The following LPCAT3 variants were observed in gnomAD, a reference collection of about 807,000 sequenced individuals.
LPCAT3 encodes the protein lysophospholipid acyltransferase 5.
Under a neutral mutation model 63.4 loss-of-function variants are expected in LPCAT3, and 21 were observed. The observed-to-expected ratio is 0.33, with a 90% CI of 0.23 to 0.48. The LOEUF (loss-of-function observed/expected upper bound fraction) is 0.48, where lower values mean the gene tolerates loss of function less well. LPCAT3 is among the 20% of genes least tolerant of loss of function. LPCAT3 has a pLI of 0.99. For synonymous variants in LPCAT3, 242 were observed against 227.5 expected, an observed-to-expected ratio of 1.06 and a Z score of -0.58; for missense variants, 451 against 590.6, an observed-to-expected ratio of 0.76 and a Z score of 2.45.
At position 6,981,168 on chromosome 12, in the gene LPCAT3, A is replaced by G; in HGVS notation, c.513T>C (p.Ser171=). 6.2e-7 allele frequency: 1 copy of G among 1,609,308 alleles called. No individual in the cohort carries two copies. Residue 171 remains serine (S), a synonymous_variant, in exon 6 of 13, where the codon TCT becomes TCC. Coordinates refer to ENST00000261407, the MANE Select transcript of LPCAT3 (RefSeq NM_005768.6). Reference sequence around the variant, plus strand: ...CACGTATGGCATATTTCTGTTGCTCAGAGGACAAGGAATTCTATGCCAAGA... The same window carrying G: ...CACGTATGGCATATTTCTGTTGCTCGGAGGACAAGGAATTCTATGCCAAGA... ...DGGKDQNSLS[S]EQQKYAIRGV... is the part of the protein sequence containing the mutation.
chr12:6,989,218 G>A (rs782256494), intron 1 of LPCAT3, among the ~76,000 whole-genome samples: 66 of 151,970 alleles, frequency 4.3e-4, no homozygotes, highest in African/African-American at 1.5e-3. Flanking sequence ...ATTAGCAGGC[G>A]AAGGATGATG....
At chr12:7,016,025 T>C (rs1455223977) in intron 1 of LPCAT3, among the ~76,000 whole-genome samples, 2 of 152,164 alleles carry the variant, frequency 1.3e-5, no homozygotes, top group African/African-American at 4.8e-5. Flanking sequence ...CCCTTATAAC[T>C]GGTTGCTACT....
At chr12:7,007,109 T>C (rs1555156898) in intron 1 of LPCAT3, among the ~76,000 whole-genome samples, 1 of 152,100 alleles carries the variant, frequency 6.6e-6, no homozygotes, top group Non-Finnish European at 1.5e-5. Context: ...AATGGCGCGA[T>C]CTCGGCTCAC....
chr12:7,003,030 C>A (rs4394918), intron 1 of LPCAT3, among the ~76,000 whole-genome samples: 10,227 of 152,034 alleles, frequency 0.067, 441 homozygotes, highest in African/African-American at 0.098. Flanking sequence ...AAAAAAATTT[C>A]TAATATTTAT....
intron 1 of LPCAT3, among the ~76,000 whole-genome samples, chr12:6,991,373 T>A (rs1555155491): frequency 6.6e-6 from 1 of 152,246 alleles, no homozygotes; most frequent in East Asian, 1.9e-4. Flanking sequence ...TCTTGCACTT[T>A]GAATGGATAT....
Position 6,987,630 on chromosome 12 carries a change from T to C in LPCAT3, c.152-4091A>G, listed in dbSNP as rs1231747115. Among the ~76,000 whole-genome samples, 11 of 152,258 alleles carry C rather than the reference T, an allele frequency of 7.2e-5. 1 individual carries two copies. ...AAATAAAAAAATATAAAACAGTAGA[T>C]AATTATCTAGAGCACTCATAAATAA... On this transcript the variant is annotated intron_variant, in intron 1 of 12. Coordinates refer to ENST00000261407, the MANE Select transcript of LPCAT3 (RefSeq NM_005768.6). The surrounding 1 kb of genome is among the most constrained non-coding windows in gnomAD (Gnocchi z 4.1).
At position 7,018,363 on chromosome 12, in the gene LPCAT3, G is replaced by C. The variant is rs782813800; in HGVS notation, c.62C>G (p.Ser21Trp). 3 of 1,612,354 alleles carry C rather than the reference G, an allele frequency of 1.9e-6. No homozygotes were observed. Among genetic ancestry groups the C allele is most frequent in the Non-Finnish European group, 1.7e-6 (2 of 1,179,328 alleles). The change falls in exon 1 of 13, where the codon TCG becomes TGG. Residue 21 changes from serine (S) to tryptophan (W), a missense_variant. Ser to Trp is a radical substitution (Grantham distance 177). This residue lies in a region of LPCAT3 where 133 missense variants were observed against 152.1 expected (regional missense o/e 0.87). Transcript: ENST00000261407. The surrounding 1 kb of genome is among the most constrained non-coding windows in gnomAD (Gnocchi z 4.9). Reference sequence around the variant, plus strand: ...GTTAAGGCTCAGCTCCTGGAAACCCGACTGCAGAACCCCCGCCAGCGCCAC... The same window carrying C: ...GTTAAGGCTCAGCTCCTGGAAACCCCACTGCAGAACCCCCGCCAGCGCCAC... ...TVVALAGVLQ[S>W]GFQELSLNKL...
At chr12:6,978,776 G>A in intron 7 of LPCAT3, 87 bp from the exon 8 acceptor site, 1 of 1,559,706 alleles carries the variant, frequency 6.4e-7, no homozygotes, top group Non-Finnish European at 8.7e-7. Flanking sequence ...CTTGTGGCTG[G>A]CTACTTCATA....
chr12:6,982,880 C>T lies in LPCAT3; in HGVS notation c.260-98G>A. The stretch of plus-strand genomic sequence containing the variant: ...ATATATAAAGAAAAAATGTTGGCAT[C>T]AGGATCTTTTTTTTCAGAATAACCT... On this transcript the variant is annotated intron_variant, in intron 2 of 12. Coordinates refer to ENST00000261407, the MANE Select transcript of LPCAT3 (RefSeq NM_005768.6). 3 of 759,746 alleles carry T rather than the reference C, an allele frequency of 3.9e-6. 1 individual carries two copies. The highest frequency in any genetic ancestry group is 3.3e-5 in the South Asian group (2 of 60,394). 47.1% of individuals were successfully genotyped at this position (759,746 alleles called of 1,614,324 possible). A position where few individuals can be genotyped will look rare whatever the true frequency, so the allele number is the denominator to read the frequency against.
rs1555157749 is a variant in LPCAT3 at position 7,018,137 on chromosome 12, G to C, written c.151+137C>G. ...TTCTGTCTTCCCTCAGTAGCTGTTG[G>C]TGTGCTTCAGGATTCACACCCGCAC... is the stretch of plus-strand genomic sequence containing the variant. On this transcript the variant is annotated intron_variant, in intron 1 of 12. Coordinates refer to ENST00000261407, the MANE Select transcript of LPCAT3 (RefSeq NM_005768.6). This position sits in a 1 kb window ranked among gnomAD's most constrained non-coding sequence, Gnocchi z 4.9. 2 of 919,124 alleles carry C rather than the reference G, an allele frequency of 2.2e-6. No individual in the cohort carries two copies. Among genetic ancestry groups the C allele is most frequent in the Non-Finnish European group, 3.3e-6 (2 of 599,602 alleles). 56.9% of individuals were successfully genotyped at this position (919,124 alleles called of 1,614,324 possible).
intron 1 of LPCAT3, among the ~76,000 whole-genome samples, chr12:6,998,954 T>C (rs139025884): frequency 6.6e-6 from 1 of 152,356 alleles, no homozygotes; most frequent in East Asian, 1.9e-4. Context: ...CCACATCACC[T>C]GATTTCCATT....
chr12:6,981,660 G>A, intron 4 of LPCAT3, 28 bp from the exon 5 acceptor site: 2 of 1,612,784 alleles, frequency 1.2e-6, no homozygotes, highest in Non-Finnish European at 1.7e-6. Flanking sequence ...GGATGGGTAG[G>A]GTGGTGGGAG....
intron 1 of LPCAT3, among the ~76,000 whole-genome samples, chr12:7,001,277 C>T (rs1946685472): frequency 6.6e-6 from 1 of 152,010 alleles, no homozygotes; most frequent in African/African-American, 2.4e-5. Flanking sequence ...AACGTGCTCA[C>T]ATGGTCATAT....
intron 1 of LPCAT3, among the ~76,000 whole-genome samples, chr12:6,993,983 T>C (rs782136483): frequency 6.6e-6 from 1 of 152,170 alleles, no homozygotes; most frequent in Non-Finnish European, 1.5e-5. Context: ...TTAGGAACAT[T>C]ATGAAGAATG....
At chr12:6,997,989 A>C (rs759217879) in intron 1 of LPCAT3, among the ~76,000 whole-genome samples, 14 of 151,950 alleles carry the variant, frequency 9.2e-5, no homozygotes. Context: ...CAGCCTCCTA[A>C]AGTGCTGGGC....
chr12:6,992,968 ATT>A (rs1475911948), intron 1 of LPCAT3, among the ~76,000 whole-genome samples: 2 of 152,104 alleles, frequency 1.3e-5, no homozygotes, highest in Admixed American at 6.5e-5. Context: ...TATATAGCAT[ATT>A]GTTTTTTATT....
intron 1 of LPCAT3, among the ~76,000 whole-genome samples, chr12:7,009,295 A>T (rs1946746697): frequency 6.6e-6 from 1 of 152,220 alleles, no homozygotes; most frequent in Non-Finnish European, 1.5e-5. Flanking sequence ...TCCTGACCTC[A>T]GGTGATCTGC....
At chr12:6,982,524 T>C (rs1946480746) in intron 3 of LPCAT3, 152 bp downstream of exon 3, 1 of 621,256 alleles carries the variant, frequency 1.6e-6, no homozygotes, top group Non-Finnish European at 2.9e-6. Flanking sequence ...CTTGGGCCTG[T>C]GATAAGCCAC....
intron 1 of LPCAT3, among the ~76,000 whole-genome samples, chr12:7,000,571 G>C (rs1416434922): frequency 8.4e-6 from 1 of 119,344 alleles, no homozygotes; most frequent in African/African-American, 3.3e-5. Flanking sequence ...CTGGGAGACA[G>C]AGTGAGACTC....
Sources: allele counts gnomAD v4.1 joint callset (sites outside exome capture counted in the v4.1 genomes callset), GRCh38; gene constraint gnomAD v4.1.1; regional missense constraint gnomAD v4.1.1; non-coding constraint Gnocchi (gnomAD v3.1); transcripts MANE v1.5; gene names NCBI Gene and HGNC (gene_info 2026-07-23, HGNC 2026-07-21).